Variants in MED12L observed in about 807,000 individuals in gnomAD.
MED12L encodes mediator complex subunit 12L, also known as mediator of RNA polymerase II transcription subunit 12-like protein.
In MED12L, 60 loss-of-function variants were observed where a neutral mutation model predicts 281.3. The observed-to-expected ratio is 0.21, with a 90% confidence interval of 0.17 to 0.26. MED12L has a LOEUF of 0.26. MED12L is among the 10% of genes least tolerant of loss of function. The pLI, the probability that MED12L is intolerant of heterozygous loss-of-function variation, is 1.00. For synonymous variants in MED12L, 974 were observed against 987.2 expected, an observed-to-expected ratio of 0.99 and a Z score of 0.25; for missense variants, 2,146 against 2,680.9, an observed-to-expected ratio of 0.80 and a Z score of 4.41.
At chr3:151,268,808 A>G (rs1056997293) in intron 16 of MED12L, among the ~76,000 whole-genome samples, 1 of 152,248 alleles carries the variant, frequency 6.6e-6, no homozygotes, top group African/African-American at 2.4e-5. Context: ...AAGATGTATC[A>G]TAGACCTAAA....
intron 16 of MED12L, among the ~76,000 whole-genome samples, chr3:151,325,197 TCTCA>T (rs753830533): frequency 5.3e-5 from 8 of 152,202 alleles, no homozygotes; most frequent in Non-Finnish European, 1.2e-4. Context: ...AATTGAGAAT[TCTCA>T]CTCCTTCTCT....
intron 44 of MED12L, among the ~76,000 whole-genome samples, chr3:151,431,930 A>C (rs1719582773): frequency 6.6e-6 from 1 of 152,226 alleles, no homozygotes; most frequent in Non-Finnish European, 1.5e-5. Flanking sequence ...TAATTTGCCC[A>C]AGGTTTTTCA....
chr3:151,124,388 A>G (rs769424787), intron 4 of MED12L, among the ~76,000 whole-genome samples: 6 of 152,160 alleles, frequency 3.9e-5, no homozygotes, highest in Non-Finnish European at 7.3e-5. Context: ...ATTCTTTGCA[A>G]ACTTGAAGAT....
At chr3:151,329,904 A>G (rs545892590) in intron 16 of MED12L, among the ~76,000 whole-genome samples, 2 of 152,302 alleles carry the variant, frequency 1.3e-5, no homozygotes, top group South Asian at 2.1e-4. Context: ...AATCTTCTGT[A>G]TCCTTGTAAA....
chr3:151,351,048 A>C (rs1449742811), intron 17 of MED12L, among the ~76,000 whole-genome samples: 1 of 152,236 alleles, frequency 6.6e-6, no homozygotes, highest in Non-Finnish European at 1.5e-5. Flanking sequence ...TACTCTATGT[A>C]AACAACATTC....
In MED12L at chr3:151,127,814, T is replaced by A; in HGVS notation, c.397-11T>A. ...TGATTATTATAAATATACTATGTTG[T>A]TTCTTTTTAGGTTCCTATCCTTAGT... On this transcript the variant is annotated splice_polypyrimidine_tract_variant and intron_variant, in intron 4 of 44. Transcript: ENST00000687756. The A allele has an allele frequency of 1.3e-6, 2 of 1,562,818 alleles. No homozygotes were observed. The highest frequency in any genetic ancestry group is 1.8e-6 in the Non-Finnish European group (2 of 1,136,126).
intron 16 of MED12L, among the ~76,000 whole-genome samples, chr3:151,311,569 T>C (rs1747521347): frequency 6.6e-6 from 1 of 152,204 alleles, no homozygotes; most frequent in Non-Finnish European, 1.5e-5. Context: ...ATGCAAGCCA[T>C]TATCCTCTAA....
rs1275186276 is a variant in MED12L, at chr3:151,368,677, GTCATTTCATTTTATTTCATT to G, written c.3550+438_3550+457del. Among the ~76,000 whole-genome samples the G allele has an allele frequency of 2.2e-3, 206 of 95,426 alleles. 6 individuals carry two copies. Among genetic ancestry groups the G allele is most frequent in the African/African-American group, 7.1e-3 (194 of 27,354 alleles). 62.6% of individuals were successfully genotyped at this position (95,426 alleles called of 152,430 possible). On this transcript the variant is annotated intron_variant, in intron 25 of 44. Coordinates refer to ENST00000687756, the MANE Select transcript of MED12L (RefSeq NM_001393769.1). The stretch of plus-strand genomic sequence containing the variant: ...TTCATTTCATTTCATTTCATTTCAT[GTCATTTCATTTTATTTCATT>G]TCATTTCATTTCATTTCATTTCATT...
At chr3:151,399,556 T>A (rs1560125984) in intron 39 of MED12L, among the ~76,000 whole-genome samples, 1 of 152,240 alleles carries the variant, frequency 6.6e-6, no homozygotes, top group Non-Finnish European at 1.5e-5. Context: ...GTTCTTTAAA[T>A]ACTGTGATAC....
Position 151,384,236 on chromosome 3 carries a change from C to G in MED12L, c.4926+18C>G. On this transcript the variant is annotated intron_variant, in intron 35 of 44. Transcript: ENST00000687756. ...AACTGAAAGTAAGTTTGAGATCAGC[C>G]TGTATTATGAGCTCAAGTTGTTTAT... 6.3e-7 allele frequency: 1 copy of G among 1,587,924 alleles called. No homozygotes were observed. Among genetic ancestry groups the G allele is most frequent in the South Asian group, 1.2e-5 (1 of 86,124 alleles).
Position 151,357,297 on chromosome 3 carries a change from G to A in MED12L, c.2746G>A (p.Val916Ile). Residue 916 changes from valine (V) to isoleucine (I), a missense_variant, in exon 20 of 45, where the codon GTC becomes ATC. Val to Ile is a conservative substitution (Grantham distance 29). Transcript: ENST00000687756. ...LAGSYTTGLC[V>I]CIVAVLRRYH... ...AGGAAGTTATACAACAGGACTGTGT[G>A]TCTGCATCGTGGCTGTTCTCAGGCG... is the stretch of plus-strand genomic sequence containing the variant. 1 of 1,613,874 alleles carries A rather than the reference G, an allele frequency of 6.2e-7. No individual in the cohort carries two copies. Among genetic ancestry groups the A allele is most frequent in the South Asian group, 1.1e-5 (1 of 91,064 alleles).
chr3:151,335,130 A>C (rs1241312311), intron 16 of MED12L, among the ~76,000 whole-genome samples: 1 of 152,096 alleles, frequency 6.6e-6, no homozygotes, highest in Non-Finnish European at 1.5e-5. Context: ...ATTTCTTTCT[A>C]TTAGGAACCC....
At chr3:151,287,053 T>A (rs987538752) in intron 16 of MED12L, among the ~76,000 whole-genome samples, 1 of 152,154 alleles carries the variant, frequency 6.6e-6, no homozygotes, top group Non-Finnish European at 1.5e-5. Context: ...TTTTGGGGAT[T>A]AAATGGGTTA....
intron 16 of MED12L, among the ~76,000 whole-genome samples, chr3:151,284,995 G>A (rs1327934615): frequency 6.6e-6 from 1 of 152,138 alleles, no homozygotes; most frequent in Non-Finnish European, 1.5e-5. Flanking sequence ...TCATGAGGTG[G>A]TGCTGTGGTC....
chr3:151,332,178 T>C lies in MED12L; in HGVS notation c.2251-17881T>C, dbSNP rs576931517. Among the ~76,000 whole-genome samples, 41 of 152,342 alleles carry C rather than the reference T, an allele frequency of 2.7e-4. 1 individual carries two copies. The highest frequency in any genetic ancestry group is 9.4e-4 in the African/African-American group (39 of 41,592). Reference sequence around the variant, plus strand: ...AGTCTCTAGCCAGATAGGAATAAACTACTATTTCCATTTGTAGTCTTATTT... The same window carrying C: ...AGTCTCTAGCCAGATAGGAATAAACCACTATTTCCATTTGTAGTCTTATTT... On this transcript the variant is annotated intron_variant, in intron 16 of 44. Transcript: ENST00000687756.
intron 16 of MED12L, among the ~76,000 whole-genome samples, chr3:151,266,285 A>G (rs1298489115): frequency 1.3e-5 from 2 of 152,230 alleles, no homozygotes; most frequent in South Asian, 2.1e-4. Flanking sequence ...GAGAACATGA[A>G]CTTATCAAAG....
chr3:151,107,147 A>G (rs1023738427), intron 2 of MED12L, among the ~76,000 whole-genome samples: 5 of 150,666 alleles, frequency 3.3e-5, no homozygotes, highest in East Asian at 1.9e-4. Flanking sequence ...TTGTTTACCA[A>G]TTGCATTTTA....
rs528905026 is a variant in MED12L at position 151,242,522 on chromosome 3, A to G, written c.2250+48856A>G. On this transcript the variant is annotated intron_variant, in intron 16 of 44. Coordinates refer to ENST00000687756, the MANE Select transcript of MED12L (RefSeq NM_001393769.1). ...GCAGGGGCACACTGACACCTCACAC[A>G]GCAGGGTATTCCAACAGACCTGCAG... 1.3e-3 allele frequency among the ~76,000 whole-genome samples: 189 copies of G among 149,950 alleles called. 1 individual carries two copies. The highest frequency in any genetic ancestry group is 3.5e-3 in the Middle Eastern group (1 of 284).
chr3:151,222,690 T>C (rs1202810619), intron 16 of MED12L, among the ~76,000 whole-genome samples: 1 of 152,212 alleles, frequency 6.6e-6, no homozygotes, highest in Non-Finnish European at 1.5e-5. Context: ...CTCAAATATG[T>C]CTTTATCAGC....
Sources: gnomAD v4.1 joint callset for allele counts (sites outside exome capture counted in the v4.1 genomes callset) on GRCh38, gnomAD v4.1.1 for gene constraint, MANE v1.5 for transcripts, NCBI Gene and HGNC (gene_info 2026-07-23, HGNC 2026-07-21) for gene names.